RAB6B: variants seen among roughly 807,000 people sequenced by gnomAD.
RAB6B encodes ras-related protein Rab-6B.
In RAB6B, 7 loss-of-function variants were observed where a neutral mutation model predicts 31.2. That is an observed-to-expected ratio of 0.22 (90% confidence interval 0.13 to 0.42). RAB6B has a LOEUF of 0.42. Ranked by LOEUF, RAB6B falls within the 10% of genes least tolerant of loss-of-function variation. RAB6B has a pLI of 1.00. For synonymous variants in RAB6B, 105 were observed against 104.9 expected, an observed-to-expected ratio of 1.00 and a Z score of -0.01; for missense variants, 149 against 280.6, an observed-to-expected ratio of 0.53 and a Z score of 3.35.
intron 1 of RAB6B, among the ~76,000 whole-genome samples, chr3:133,881,208 T>G (rs893487303): frequency 2.1e-4 from 32 of 152,172 alleles, no homozygotes; most frequent in Non-Finnish European, 7.3e-5. Context: ...TCTGGGTCCC[T>G]AAGGTTAGCC....
At chr3:133,846,391 G>A (rs542993325) in intron 2 of RAB6B, among the ~76,000 whole-genome samples, 1 of 152,318 alleles carries the variant, frequency 6.6e-6, no homozygotes, top group African/African-American at 2.4e-5. Flanking sequence ...AGGTTGCAGT[G>A]AGCTGAGATC....
chr3:133,858,412 A>G (rs1196749009), intron 2 of RAB6B, among the ~76,000 whole-genome samples: 1 of 152,214 alleles, frequency 6.6e-6, no homozygotes, highest in Non-Finnish European at 1.5e-5. Context: ...AGTACCACAG[A>G]CTGGATGGCT....
intron 2 of RAB6B, among the ~76,000 whole-genome samples, chr3:133,859,813 G>A (rs1287190494): frequency 2.0e-5 from 3 of 152,228 alleles, no homozygotes; most frequent in Non-Finnish European, 4.4e-5. Flanking sequence ...GCTGATTTAT[G>A]GGCTGAGCAG....
intron 1 of RAB6B, among the ~76,000 whole-genome samples, chr3:133,867,415 A>G (rs1055049382): frequency 5.3e-5 from 8 of 152,142 alleles, no homozygotes; most frequent in African/African-American, 1.9e-4. Context: ...ACTGGGTACC[A>G]TACCTCCCAG....
At chr3:133,877,975 G>A (rs549227636) in intron 1 of RAB6B, among the ~76,000 whole-genome samples, 1 of 151,770 alleles carries the variant, frequency 6.6e-6, no homozygotes, top group Non-Finnish European at 1.5e-5. Flanking sequence ...TGAACCTGAA[G>A]ACAGTAATAA....
rs967903340 is a variant in RAB6B at position 133,836,208 on chromosome 3, C to T, written c.496-1567G>A. Among the ~76,000 whole-genome samples the T allele has an allele frequency of 1.1e-4, 17 of 152,278 alleles. No individual in the cohort carries two copies. The East Asian group carries it at 2.7e-3, about 24-fold the overall frequency. On this transcript the variant is annotated intron_variant, in intron 6 of 7. Transcript: ENST00000285208. ...CAGCATGGTGTGAGACCCTTGTGGG[C>T]GGGCTGCAGAGGAGGCTCTGCAGTG...
intron 2 of RAB6B, among the ~76,000 whole-genome samples, chr3:133,857,604 G>A (rs1401339928): frequency 2.0e-5 from 3 of 152,106 alleles, no homozygotes; most frequent in Non-Finnish European, 4.4e-5. Flanking sequence ...CTGGCACTCT[G>A]CCTCCGTTCT....
At chr3:133,886,297 T>C (rs1369428559) in intron 1 of RAB6B, among the ~76,000 whole-genome samples, 1 of 152,240 alleles carries the variant, frequency 6.6e-6, no homozygotes, top group African/African-American at 2.4e-5. Flanking sequence ...GCCTTGCTTG[T>C]GTATGTAATA....
chr3:133,848,597 T>G (rs1935936626), intron 2 of RAB6B, among the ~76,000 whole-genome samples: 1 of 152,236 alleles, frequency 6.6e-6, no homozygotes, highest in Middle Eastern at 3.4e-3. Flanking sequence ...CTTTGTGCTG[T>G]GTCATCCCAT....
chr3:133,853,166 T>C (rs531027911), intron 2 of RAB6B, among the ~76,000 whole-genome samples: 5 of 152,046 alleles, frequency 3.3e-5, no homozygotes, highest in East Asian at 1.9e-4. Flanking sequence ...TCCTGTGACC[T>C]GCCACAGGGT....
rs1392318153 is a variant in RAB6B, at chr3:133,825,214, G to A, written c.*3574C>T. ...CCTGCCTTCCATCTTGTGAAGGAAT[G>A]AGGCTGCTCTACCTGCAGGATGCTG... On this transcript the variant is annotated 3_prime_UTR_variant, in exon 8 of 8. Transcript: ENST00000285208. The A allele has an allele frequency of 6.6e-6, 1 of 152,208 alleles. No homozygotes were observed. Among genetic ancestry groups the A allele is most frequent in the Non-Finnish European group, 1.5e-5 (1 of 68,054 alleles). The allele number at this position is 152,208 out of a possible 1,614,324, so 9.4% of individuals were successfully genotyped here.
At chr3:133,876,461 T>C (rs1936398277) in intron 1 of RAB6B, among the ~76,000 whole-genome samples, 2 of 152,292 alleles carry the variant, frequency 1.3e-5, no homozygotes, top group South Asian at 4.1e-4. Flanking sequence ...TTCTCTCTCT[T>C]ATTCACAACT....
chr3:133,856,842 T>A (rs1038172079), intron 2 of RAB6B, among the ~76,000 whole-genome samples: 7 of 152,198 alleles, frequency 4.6e-5, no homozygotes, highest in African/African-American at 1.7e-4. Context: ...GGCAGGGTCA[T>A]CTTGCCAGAG....
intron 1 of RAB6B, among the ~76,000 whole-genome samples, chr3:133,873,324 T>G (rs1191812729): frequency 6.6e-6 from 1 of 152,226 alleles, no homozygotes; most frequent in South Asian, 2.1e-4. Flanking sequence ...GACGGTCTGC[T>G]GGGGCTCCAC....
chr3:133,828,775 G>T lies in RAB6B; in HGVS notation c.*13C>A. ...GCAAGGAGTGTCATGGGAAGCCACA[G>T]GTCGGCTCTGCATTAGCAGGAGCAG... On this transcript the variant is annotated 3_prime_UTR_variant, in exon 8 of 8. Transcript: ENST00000285208. 1.9e-6 allele frequency: 3 copies of T among 1,601,120 alleles called. No homozygotes were observed. Among genetic ancestry groups the T allele is most frequent in the Non-Finnish European group, 2.6e-6 (3 of 1,168,858 alleles).
chr3:133,861,504 G>A (rs564419216), intron 2 of RAB6B, among the ~76,000 whole-genome samples: 1 of 152,302 alleles, frequency 6.6e-6, no homozygotes, highest in South Asian at 2.1e-4. Context: ...ACACACCCAG[G>A]TCCTCATGCC....
At chr3:133,880,530 C>A (rs1032769667) in intron 1 of RAB6B, among the ~76,000 whole-genome samples, 1 of 152,234 alleles carries the variant, frequency 6.6e-6, no homozygotes, top group Admixed American at 6.5e-5. Flanking sequence ...GGCATCATCC[C>A]GGATGCCTGC....
At position 133,841,601 on chromosome 3, in the gene RAB6B, G is replaced by A; in HGVS notation, c.183+9C>T. On this transcript the variant is annotated intron_variant, in intron 3 of 7. Transcript: ENST00000285208. The stretch of plus-strand genomic sequence containing the variant: ...CCTGCCCCTCCCAGTCCTGATATTA[G>A]GTGCTCACCGTGCGGTCCTCCAAGT... The A allele has an allele frequency of 6.2e-7, 1 of 1,613,106 alleles. No individual in the cohort carries two copies. Among genetic ancestry groups the A allele is most frequent in the African/African-American group, 1.3e-5 (1 of 74,936 alleles).
intron 4 of RAB6B, among the ~76,000 whole-genome samples, chr3:133,840,330 C>CGGCA (rs1450188676): frequency 1.3e-5 from 2 of 152,188 alleles, no homozygotes; most frequent in Non-Finnish European, 2.9e-5. Flanking sequence ...ACCCACCACT[C>CGGCA]GGCAGCCTGC....
Sources: allele counts gnomAD v4.1 joint callset (sites outside exome capture counted in the v4.1 genomes callset), GRCh38; gene constraint gnomAD v4.1.1; transcripts MANE v1.5; gene names NCBI Gene and HGNC (gene_info 2026-07-23, HGNC 2026-07-21).